CHODL: variants seen among roughly 807,000 people sequenced by gnomAD.
The protein encoded by CHODL is chondrolectin.
A neutral mutation model predicts 34.5 loss-of-function variants in CHODL; 29 were observed. That is an observed-to-expected ratio of 0.84 (90% confidence interval 0.63 to 1.15). The LOEUF is 1.15. CHODL is among the 50% of genes most tolerant of loss of function. The pLI is 0.00. For missense variants in CHODL, 332 were observed against 332.5 expected, an observed-to-expected ratio of 1.00 and a Z score of 0.01; for synonymous variants, 125 against 116.1, an observed-to-expected ratio of 1.08 and a Z score of -0.49.
intron 2 of CHODL, among the ~76,000 whole-genome samples, chr21:18,232,309 G>A (rs1032874956): frequency 6.6e-6 from 1 of 151,942 alleles, no homozygotes. Context: ...CCATTTGGCT[G>A]TTATAACAAA....
chr21:18,241,651 T>C (rs750854738), upstream of CHODL, among the ~76,000 whole-genome samples: 4 of 152,136 alleles, frequency 2.6e-5, no homozygotes, highest in Admixed American at 6.5e-5. Flanking sequence ...TTGAGACGTA[T>C]TGATGGGCGC....
At chr21:18,055,571 C>T (rs867838493) in intron 2 of CHODL, among the ~76,000 whole-genome samples, 7 of 151,938 alleles carry the variant, frequency 4.6e-5, no homozygotes, top group Non-Finnish European at 1.0e-4. Flanking sequence ...CGACAGATCA[C>T]GAGTAAAGTA....
At chr21:18,214,426 T>G (rs1027993579) in intron 2 of CHODL, among the ~76,000 whole-genome samples, 4 of 152,124 alleles carry the variant, frequency 2.6e-5, no homozygotes, top group African/African-American at 7.2e-5. Context: ...TCAATCGCTC[T>G]AGCACCTAGC....
At chr21:18,213,172 A>G (rs559911751) in intron 2 of CHODL, among the ~76,000 whole-genome samples, 1 of 152,126 alleles carries the variant, frequency 6.6e-6, no homozygotes, top group East Asian at 1.9e-4. Context: ...CTTTTGAGAC[A>G]CTCTTATAAT....
chr21:18,193,736 T>TAA (rs1166238546), intron 2 of CHODL, among the ~76,000 whole-genome samples: 1 of 148,568 alleles, frequency 6.7e-6, no homozygotes. Context: ...AATAAATAAA[T>TAA]AAATAAATAA....
At chr21:18,247,049 GA>G (rs2146783601) in intron 1 of CHODL, among the ~76,000 whole-genome samples, 1 of 152,076 alleles carries the variant, frequency 6.6e-6, no homozygotes. Context: ...AATTCACATT[GA>G]AATTTAACCA....
At chr21:18,163,119 G>C (rs1269715582) in intron 2 of CHODL, among the ~76,000 whole-genome samples, 1 of 152,148 alleles carries the variant, frequency 6.6e-6, no homozygotes, top group South Asian at 2.1e-4. Context: ...TTAACATATA[G>C]TGCTACTATA....
upstream of CHODL, among the ~76,000 whole-genome samples, chr21:18,243,957 C>T (rs1029478266): frequency 2.6e-5 from 4 of 152,088 alleles, no homozygotes; most frequent in African/African-American, 4.8e-5. Context: ...TACTGAAGCT[C>T]ATTATGAGAA....
chr21:18,227,112 G>A (rs148316771), intron 2 of CHODL, among the ~76,000 whole-genome samples: 1 of 152,124 alleles, frequency 6.6e-6, no homozygotes, highest in East Asian at 1.9e-4. Flanking sequence ...ATAGTGGAAG[G>A]GGCAAGGCAA....
chr21:18,154,460 A>G (rs1453751523), intron 2 of CHODL, among the ~76,000 whole-genome samples: 1 of 152,140 alleles, frequency 6.6e-6, no homozygotes, highest in Non-Finnish European at 1.5e-5. Flanking sequence ...TCCGCAATTT[A>G]TCATTCATGT....
At position 18,104,400 on chromosome 21, in the gene CHODL, CCCTTCG is replaced by C. The variant is rs1034199537; in HGVS notation, c.-45+76435_-45+76440del. Among the ~76,000 whole-genome samples, 18 of 152,202 alleles carry C rather than the reference CCCTTCG, an allele frequency of 1.2e-4. No homozygotes were observed. In the East Asian group the frequency reaches 2.9e-3, roughly 25 times the overall value. ...TCTTGTGAGGAAGATGCCTTGCTTC[CCCTTCG>C]CCTTCCGCCATGATTCTGAGTTTCC... On this transcript the variant is annotated intron_variant, in intron 2 of 6. Coordinates refer to the CHODL transcript ENST00000400127.
intron 5 of CHODL, among the ~76,000 whole-genome samples, chr21:18,265,530 T>C (rs1365867669): frequency 6.6e-6 from 1 of 151,424 alleles, no homozygotes; most frequent in African/African-American, 2.4e-5. Flanking sequence ...AGGGAAAGAG[T>C]AGGAAGGGGG....
chr21:18,187,707 G>A (rs896720006), intron 2 of CHODL, among the ~76,000 whole-genome samples: 6 of 152,080 alleles, frequency 3.9e-5, no homozygotes, highest in Non-Finnish European at 7.4e-5. Flanking sequence ...AATTATCTCT[G>A]TTCTATTGCA....
intron 2 of CHODL, among the ~76,000 whole-genome samples, chr21:18,212,212 A>C (rs1344754282): frequency 6.6e-6 from 1 of 152,174 alleles, no homozygotes; most frequent in African/African-American, 2.4e-5. Flanking sequence ...AATGTTAACG[A>C]ATAGCATGAC....
chr21:17,947,197 A>G (rs543079722), intron 1 of CHODL, among the ~76,000 whole-genome samples: 142 of 152,266 alleles, frequency 9.3e-4, no homozygotes, highest in African/African-American at 3.2e-3. Flanking sequence ...GATATCAGTA[A>G]TAGGAGGAAC....
intron 2 of CHODL, among the ~76,000 whole-genome samples, chr21:18,161,144 A>C (rs1188988862): frequency 6.6e-6 from 1 of 151,934 alleles, no homozygotes; most frequent in Admixed American, 6.6e-5. Flanking sequence ...GTGTCTGTTC[A>C]TGTCCTTTGC....
intron 1 of CHODL, among the ~76,000 whole-genome samples, chr21:17,919,211 G>A (rs562014047): frequency 6.6e-6 from 1 of 152,318 alleles, no homozygotes; most frequent in South Asian, 2.1e-4. Context: ...GCACTAGGTG[G>A]TGCCCCCATA....
At position 18,260,300 on chromosome 21, in the gene CHODL, G is replaced by A; in HGVS notation, c.634+14G>A. 3 of 1,510,832 alleles carry A rather than the reference G, an allele frequency of 2.0e-6. No individual in the cohort carries two copies. In the African/African-American group the frequency reaches 4.2e-5, roughly 21 times the overall value. The allele number at this position is 1,510,832 out of a possible 1,614,324, so 93.6% of individuals were successfully genotyped here. A position where few individuals can be genotyped will look rare whatever the true frequency, so the allele number is the denominator to read the frequency against. On this transcript the variant is annotated intron_variant, in intron 4 of 5. Transcript: ENST00000299295. The stretch of plus-strand genomic sequence containing the variant: ...TTACTGAAGCAGGTAATTACTTCAT[G>A]TGTCTTTAACTTCATCAAGAACTGA...
At position 18,013,295 on chromosome 21, in the gene CHODL, A is replaced by AT. The variant is rs11354463; in HGVS notation, c.-144-14567dup. On this transcript the variant is annotated intron_variant, in intron 1 of 6. Transcript: ENST00000400127. ...CTCTGGGAGAACCCAAAATAAGACA[A>AT]TTTTTTTTTTCTAGGATACAACTTT... Among the ~76,000 whole-genome samples the AT allele has an allele frequency of 2.5e-4, 38 of 150,570 alleles. No homozygotes were observed. In the East Asian group the frequency reaches 2.5e-3, roughly 10 times the overall value.
Sources: allele counts gnomAD v4.1 joint callset (sites outside exome capture counted in the v4.1 genomes callset), GRCh38; gene constraint gnomAD v4.1.1; transcripts MANE v1.5; gene names NCBI Gene and HGNC (gene_info 2026-07-23, HGNC 2026-07-21).